ENOX1: variants seen among roughly 807,000 people sequenced by gnomAD.
ENOX1 encodes ecto-NOX disulfide-thiol exchanger 1.
In ENOX1, 42 loss-of-function variants were observed where a neutral mutation model predicts 82.5. The observed-to-expected ratio is 0.51, with a 90% CI of 0.40 to 0.66. ENOX1 has a LOEUF of 0.66. ENOX1 is among the 30% of genes least tolerant of loss of function. The pLI, the probability that ENOX1 is intolerant of heterozygous loss-of-function variation, is 0.00. For missense variants in ENOX1, 608 were observed against 811.6 expected, an observed-to-expected ratio of 0.75 and a Z score of 3.05; for synonymous variants, 271 against 282.2, an observed-to-expected ratio of 0.96 and a Z score of 0.40.
intron 12 of ENOX1, among the ~76,000 whole-genome samples, chr13:43,272,270 T>C (rs2044730990): frequency 6.6e-6 from 1 of 152,204 alleles, no homozygotes; most frequent in African/African-American, 2.4e-5. Flanking sequence ...ATTACCCCAA[T>C]TCTTCCCACT....
chr13:43,559,380 C>T (rs2079573057), intron 2 of ENOX1, among the ~76,000 whole-genome samples: 1 of 152,118 alleles, frequency 6.6e-6, no homozygotes, highest in Non-Finnish European at 1.5e-5. Context: ...TTATAAACTG[C>T]AATGGAATTC....
chr13:43,423,892 G>T (rs1232687672), intron 3 of ENOX1, among the ~76,000 whole-genome samples: 1 of 152,172 alleles, frequency 6.6e-6, no homozygotes, highest in Admixed American at 6.5e-5. Context: ...GTTCTAAAGA[G>T]TAGACAATGT....
intron 11 of ENOX1, 137 bp from the exon 12 acceptor site, chr13:43,298,667 C>A: frequency 1.5e-6 from 1 of 674,368 alleles, no homozygotes; most frequent in East Asian, 2.8e-5. Context: ...ATGCCACTCC[C>A]TGGGCCTCTC....
At chr13:43,754,499 G>A (rs1275460515) in intron 1 of ENOX1, among the ~76,000 whole-genome samples, 1 of 151,050 alleles carries the variant, frequency 6.6e-6, no homozygotes, top group Non-Finnish European at 1.5e-5. Flanking sequence ...CGCCTGGCTA[G>A]TTTTTGTATT....
intron 1 of ENOX1, among the ~76,000 whole-genome samples, chr13:43,759,795 G>A (rs1409468910): frequency 6.6e-6 from 1 of 152,114 alleles, no homozygotes; most frequent in Non-Finnish European, 1.5e-5. Context: ...TCTTAATCCA[G>A]CCAGACTACA....
At chr13:43,560,728 T>C (rs1372811467) in intron 2 of ENOX1, among the ~76,000 whole-genome samples, 1 of 152,206 alleles carries the variant, frequency 6.6e-6, no homozygotes, top group Non-Finnish European at 1.5e-5. Flanking sequence ...AAATAAGACA[T>C]ATTAAATAAT....
At chr13:43,752,882 CAG>C in intron 1 of ENOX1, among the ~76,000 whole-genome samples, 1 of 150,852 alleles carries the variant, frequency 6.6e-6, no homozygotes, top group South Asian at 2.1e-4. Flanking sequence ...TCTTTTGAGA[CAG>C]AGTCTCACTC....
intron 2 of ENOX1, among the ~76,000 whole-genome samples, chr13:43,623,483 T>A (rs1275547142): frequency 6.6e-6 from 1 of 151,980 alleles, no homozygotes; most frequent in Non-Finnish European, 1.5e-5. Context: ...CAGCTCCAGG[T>A]AAACTCGGAA....
At chr13:43,676,108 A>G (rs1216146884) in intron 1 of ENOX1, among the ~76,000 whole-genome samples, 2 of 152,196 alleles carry the variant, frequency 1.3e-5, no homozygotes, top group Admixed American at 6.5e-5. Context: ...CATGAATGGA[A>G]GAAACACTCA....
intron 1 of ENOX1, among the ~76,000 whole-genome samples, chr13:43,762,290 G>A (rs1951030783): frequency 6.6e-6 from 1 of 152,182 alleles, no homozygotes; most frequent in Non-Finnish European, 1.5e-5. Flanking sequence ...TCCCTGTGCT[G>A]TCAACAGCCT....
intron 3 of ENOX1, among the ~76,000 whole-genome samples, chr13:43,450,007 C>T (rs2056870936): frequency 6.6e-6 from 1 of 152,186 alleles, no homozygotes; most frequent in Non-Finnish European, 1.5e-5. Flanking sequence ...CAAATGGTTC[C>T]ATTACCTCGG....
At chr13:43,288,241 T>C (rs1334863844) in intron 12 of ENOX1, among the ~76,000 whole-genome samples, 1 of 152,222 alleles carries the variant, frequency 6.6e-6, no homozygotes, top group Admixed American at 6.5e-5. Flanking sequence ...TTTAAAGCCG[T>C]GTAATCTGAG....
intron 5 of ENOX1, among the ~76,000 whole-genome samples, chr13:43,406,246 G>A (rs199967899): frequency 6.6e-5 from 10 of 152,126 alleles, no homozygotes; most frequent in Admixed American, 3.3e-4. Flanking sequence ...TGAAGGGGAC[G>A]GAGAAGGACT....
chr13:43,619,054 T>A (rs1222667778), intron 2 of ENOX1, among the ~76,000 whole-genome samples: 2 of 150,866 alleles, frequency 1.3e-5, no homozygotes, highest in African/African-American at 4.9e-5. Context: ...ACTGTTGGTG[T>A]ATGGAAGAAC....
intron 1 of ENOX1, among the ~76,000 whole-genome samples, chr13:43,710,517 T>C (rs1049399665): frequency 6.6e-6 from 1 of 152,148 alleles, no homozygotes; most frequent in Non-Finnish European, 1.5e-5. Context: ...TGAAAAACTT[T>C]AGACACATAA....
intron 2 of ENOX1, among the ~76,000 whole-genome samples, chr13:43,533,180 A>G (rs1593673041): frequency 6.6e-6 from 1 of 152,120 alleles, no homozygotes; most frequent in African/African-American, 2.4e-5. Context: ...CCGGTGAGTA[A>G]TGACCTGATT....
chr13:43,461,043 G>A (rs918824629), intron 3 of ENOX1, among the ~76,000 whole-genome samples: 164 of 152,196 alleles, frequency 1.1e-3, no homozygotes, highest in African/African-American at 3.7e-3. Context: ...TACACTGGTG[G>A]TTCTCAATTC....
intron 1 of ENOX1, among the ~76,000 whole-genome samples, chr13:43,738,584 T>C (rs1203502594): frequency 6.6e-6 from 1 of 152,198 alleles, no homozygotes; most frequent in Non-Finnish European, 1.5e-5. Flanking sequence ...TTTAGTTGCA[T>C]ATCATTAGAA....
intron 11 of ENOX1, among the ~76,000 whole-genome samples, chr13:43,317,801 C>T (rs1287771376): frequency 6.6e-6 from 1 of 151,280 alleles, no homozygotes; most frequent in Non-Finnish European, 1.5e-5. Flanking sequence ...GTCAGGAGAT[C>T]GAGACCATCC....
Sources: gnomAD v4.1 joint callset for allele counts (sites outside exome capture counted in the v4.1 genomes callset) on GRCh38, gnomAD v4.1.1 for gene constraint, MANE v1.5 for transcripts, NCBI Gene and HGNC (gene_info 2026-07-23, HGNC 2026-07-21) for gene names.